The following GRID1 variants were observed in gnomAD, a reference collection of about 807,000 sequenced individuals.
GRID1 encodes glutamate ionotropic receptor delta type subunit 1.
A neutral mutation model predicts 98.0 loss-of-function variants in GRID1; 28 were observed. That is an observed-to-expected ratio of 0.29 (90% confidence interval 0.21 to 0.39). The LOEUF (loss-of-function observed/expected upper bound fraction) is 0.39. GRID1 is among the 10% of genes least tolerant of loss of function. GRID1 has a pLI of 1.00. For synonymous variants in GRID1, 553 were observed against 538.5 expected (o/e 1.03, Z -0.37); for missense variants, 1,111 against 1,340.5 (o/e 0.83, Z 2.67).
At position 85,916,363 on chromosome 10, in the gene GRID1, C is replaced by T. The variant is rs992105911; in HGVS notation, c.727-124G>A. Reference sequence around the variant, plus strand: ...AGAATATTTTCCTCACAAAACATGCCATCCCCCTGGGGCCTGCTCTGGCTG... The same window carrying T: ...AGAATATTTTCCTCACAAAACATGCTATCCCCCTGGGGCCTGCTCTGGCTG... On this transcript the variant is annotated intron_variant, in intron 4 of 15. Transcript: ENST00000327946. The surrounding 1 kb of genome is among the most constrained non-coding windows in gnomAD (Gnocchi z 4.0). 7.5e-6 allele frequency: 6 copies of T among 800,720 alleles called. No individual in the cohort carries two copies. In the African/African-American group the frequency reaches 1.0e-4, roughly 13 times the overall value. 49.6% of individuals were successfully genotyped at this position (800,720 alleles called of 1,614,324 possible).
At chr10:85,876,266 TG>T (rs1233747925) in intron 5 of GRID1, among the ~76,000 whole-genome samples, 1 of 146,608 alleles carries the variant, frequency 6.8e-6, no homozygotes, top group Non-Finnish European at 1.5e-5. Flanking sequence ...TGCCCTCCTT[TG>T]GAGACCCTGG....
chr10:86,049,009 A>G (rs1843463625), intron 4 of GRID1, among the ~76,000 whole-genome samples: 1 of 152,186 alleles, frequency 6.6e-6, no homozygotes, highest in Non-Finnish European at 1.5e-5. Context: ...GTTCCTACCT[A>G]TGTTGTCTTG....
At chr10:86,349,822 C>A (rs1259655617) in intron 2 of GRID1, among the ~76,000 whole-genome samples, 3 of 152,214 alleles carry the variant, frequency 2.0e-5, no homozygotes, top group African/African-American at 7.2e-5. Context: ...CACCTCCAAC[C>A]AGCCACATAC....
At chr10:85,747,915 A>T (rs1175138287) in intron 8 of GRID1, among the ~76,000 whole-genome samples, 1 of 152,232 alleles carries the variant, frequency 6.6e-6, no homozygotes, top group Admixed American at 6.5e-5. Context: ...TCTTTAGTTT[A>T]TACATGTAAC....
At chr10:86,082,248 G>T (rs1189102230) in intron 4 of GRID1, among the ~76,000 whole-genome samples, 2 of 152,268 alleles carry the variant, frequency 1.3e-5, no homozygotes, top group East Asian at 3.9e-4. Flanking sequence ...TGAGGGGAGG[G>T]AACACGTGAT....
At chr10:86,121,398 C>T (rs948105020) in intron 4 of GRID1, among the ~76,000 whole-genome samples, 18 of 151,530 alleles carry the variant, frequency 1.2e-4, no homozygotes, top group Non-Finnish European at 2.1e-4. Context: ...TTATCTCCAT[C>T]GCCATCATCA....
chr10:86,242,655 C>T (rs1388865290), intron 2 of GRID1, among the ~76,000 whole-genome samples: 3 of 152,210 alleles, frequency 2.0e-5, no homozygotes, highest in Admixed American at 1.3e-4. Flanking sequence ...TGCCCATGCC[C>T]ACCTCCAAAA....
At chr10:85,854,739 G>T in intron 7 of GRID1, 124 bp from the exon 8 acceptor site, 1 of 889,134 alleles carries the variant, frequency 1.1e-6, no homozygotes, top group Non-Finnish European at 1.8e-6. Flanking sequence ...ACCATGGACA[G>T]GCTGTAATGA....
chr10:86,353,356 C>G (rs989182891), intron 2 of GRID1, among the ~76,000 whole-genome samples: 26 of 152,258 alleles, frequency 1.7e-4, no homozygotes, highest in Non-Finnish European at 3.7e-4. Context: ...AGTCTTGGCT[C>G]TTTCTGCTAA....
intron 4 of GRID1, among the ~76,000 whole-genome samples, chr10:85,941,676 T>A (rs1023785915): frequency 1.3e-5 from 2 of 152,232 alleles, no homozygotes; most frequent in Non-Finnish European, 2.9e-5. Flanking sequence ...TTCTTCCAGA[T>A]GTTTTTCTGT....
At chr10:86,114,064 T>C (rs1045243305) in intron 4 of GRID1, among the ~76,000 whole-genome samples, 13 of 152,026 alleles carry the variant, frequency 8.6e-5, no homozygotes, top group Admixed American at 2.6e-4. Context: ...TCACATTGGT[T>C]TCCTCCATCT....
intron 8 of GRID1, among the ~76,000 whole-genome samples, chr10:85,806,688 A>G (rs962336968): frequency 6.6e-6 from 1 of 152,180 alleles, no homozygotes; most frequent in African/African-American, 2.4e-5. Flanking sequence ...TTAAAAGAAA[A>G]TTGATATAAA....
At chr10:85,807,242 C>T (rs554141229) in intron 8 of GRID1, among the ~76,000 whole-genome samples, 2 of 151,492 alleles carry the variant, frequency 1.3e-5, no homozygotes, top group Non-Finnish European at 1.5e-5. Context: ...CTCAGCTACT[C>T]GGGAGGCAGA....
At chr10:85,799,433 A>G (rs1842555483) in intron 8 of GRID1, among the ~76,000 whole-genome samples, 1 of 152,190 alleles carries the variant, frequency 6.6e-6, no homozygotes, top group East Asian at 1.9e-4. Flanking sequence ...TTATTACAAC[A>G]CTACTCACAA....
At chr10:86,167,608 G>A (rs897615797) in intron 3 of GRID1, among the ~76,000 whole-genome samples, 1 of 152,162 alleles carries the variant, frequency 6.6e-6, no homozygotes, top group African/African-American at 2.4e-5. Context: ...CACCATCTTA[G>A]CTGGTCCTCC....
chr10:85,777,792 C>T (rs1407393801), intron 8 of GRID1, among the ~76,000 whole-genome samples: 1 of 152,182 alleles, frequency 6.6e-6, no homozygotes, highest in South Asian at 2.1e-4. Context: ...TAGTCCTGGG[C>T]AAATGAGGAA....
At chr10:85,820,023 A>AAGGAAGGC (rs71016111) in intron 8 of GRID1, among the ~76,000 whole-genome samples, 1 of 90,144 alleles carries the variant, frequency 1.1e-5, no homozygotes, top group Non-Finnish European at 2.0e-5. Flanking sequence ...GGAAGGAAGG[A>AAGGAAGGC]AGGAAGGCAG....
chr10:85,773,728 C>A (rs982899982), intron 8 of GRID1, among the ~76,000 whole-genome samples: 3 of 152,170 alleles, frequency 2.0e-5, no homozygotes, highest in Non-Finnish European at 2.9e-5. Flanking sequence ...TTTACAATTG[C>A]TTCAAAGAGA....
At chr10:85,884,892 C>T (rs1278423247) in intron 5 of GRID1, among the ~76,000 whole-genome samples, 1 of 151,868 alleles carries the variant, frequency 6.6e-6, no homozygotes, top group Non-Finnish European at 1.5e-5. Flanking sequence ...ATTGTAACAA[C>T]AAAAACAAGT....
Sources: gnomAD v4.1 joint callset for allele counts (sites outside exome capture counted in the v4.1 genomes callset) on GRCh38, gnomAD v4.1.1 for gene constraint, Gnocchi (gnomAD v3.1) non-coding constraint, MANE v1.5 for transcripts, NCBI Gene and HGNC (gene_info 2026-07-23, HGNC 2026-07-21) for gene names.